The following IARS1 variants were observed in gnomAD, a reference collection of about 807,000 sequenced individuals.
IARS1 encodes isoleucine--tRNA ligase, cytoplasmic.
IARS1 carries 124 observed loss-of-function variants against 168.2 expected under a neutral mutation model. The ratio of observed to expected loss-of-function variants is 0.74; its 90% CI spans 0.64 to 0.86. The LOEUF (loss-of-function observed/expected upper bound fraction) is 0.86. Among genes scored for constraint, IARS1 ranks in the 40% least tolerant of loss-of-function variants. IARS1 has a pLI of 0.00. For synonymous variants in IARS1, 532 were observed against 529.4 expected (o/e 1.00, Z -0.07); for missense variants, 1,452 against 1,515.8 (o/e 0.96, Z 0.70).
chr9:92,234,480 G>A (rs1446759503), intron 30 of IARS1, among the ~76,000 whole-genome samples: 6 of 152,134 alleles, frequency 3.9e-5, no homozygotes, highest in Non-Finnish European at 8.8e-5. Context: ...CCAGGTGTCT[G>A]GTCAACTGAC....
At chr9:92,229,298 T>C (rs1306454733) in intron 30 of IARS1, among the ~76,000 whole-genome samples, 172 bp from the exon 31 acceptor site, 2 of 151,662 alleles carry the variant, frequency 1.3e-5, no homozygotes, top group African/African-American at 4.9e-5. Context: ...TATAAAAGCA[T>C]ACCAAGGATG....
intron 31 of IARS1, among the ~76,000 whole-genome samples, chr9:92,227,931 G>A (rs993744752): frequency 2.0e-5 from 3 of 152,122 alleles, no homozygotes; most frequent in African/African-American, 7.2e-5. Flanking sequence ...TCCCAGACGG[G>A]GTGGCGGCCG....
In IARS1 at chr9:92,268,237, T is replaced by G; in HGVS notation, c.1368A>C (p.Thr456=). Residue 456 remains threonine, a synonymous_variant, in exon 14 of 34, where the codon ACA becomes ACC. Coordinates refer to ENST00000443024, the MANE Select transcript of IARS1 (RefSeq NM_002161.6). ...GNWLKDARDW[T]ISRNRYWGTP... ...TGCCCCAGTATCTGTTTCTGGAAAT[T>G]GTCCAGTCACGTGCATCTTTCAGCC... The G allele has an allele frequency of 6.2e-7, 1 of 1,611,958 alleles. No individual in the cohort carries two copies. The highest frequency in any genetic ancestry group is 8.5e-7 in the Non-Finnish European group (1 of 1,179,480).
chr9:92,243,303 G>A lies in IARS1; in HGVS notation c.2913C>T (p.Val971=), dbSNP rs1230411075. 1 of 1,611,780 alleles carries A rather than the reference G, an allele frequency of 6.2e-7. No individual in the cohort carries two copies. The highest frequency in any genetic ancestry group is 1.3e-5 in the African/African-American group (1 of 74,864). ...FEAHSDAQAL[V]LLDVTPDQSM... ...ACTGGTCAGGAGTGACATCTAAGAGGACCAAAGCCTGTGGGAATGAACAGT... is the reference window on the plus strand; with the variant it reads ...ACTGGTCAGGAGTGACATCTAAGAGAACCAAAGCCTGTGGGAATGAACAGT... Residue 971 remains valine, a synonymous_variant, in exon 28 of 34, where the codon GTC becomes GTT. Coordinates refer to ENST00000443024, the MANE Select transcript of IARS1 (RefSeq NM_002161.6).
At position 92,232,237 on chromosome 9, in the gene IARS1, T is replaced by C. The variant is rs1826827308; in HGVS notation, c.3284-3111A>G. 2.6e-5 allele frequency among the ~76,000 whole-genome samples: 4 copies of C among 152,346 alleles called. No homozygotes were observed. The South Asian group carries it at 8.3e-4, about 32-fold the overall frequency. On this transcript the variant is annotated intron_variant, in intron 30 of 33. Transcript: ENST00000443024. ...ACTGGTAATTTACAGCCTAGGGGTT[T>C]TGTTAATTTAAATGATGAATATTCA...
chr9:92,215,606 C>T (rs1260390655), intron 33 of IARS1, among the ~76,000 whole-genome samples: 1 of 151,612 alleles, frequency 6.6e-6, no homozygotes, highest in African/African-American at 2.4e-5. Context: ...AACCAAGGCT[C>T]GAGAACTACG....
chr9:92,215,450 G>A (rs1443596128), intron 33 of IARS1, among the ~76,000 whole-genome samples: 2 of 152,082 alleles, frequency 1.3e-5, no homozygotes, highest in South Asian at 4.2e-4. Flanking sequence ...GAGAGAAGAG[G>A]GCTTCAGACG....
chr9:92,243,216 CT>C lies in IARS1; in HGVS notation c.2999del (p.Lys1000SerfsTer23). On this transcript the variant is annotated frameshift_variant and splice_region_variant, in exon 28 of 34. Transcript: ENST00000443024. LOFTEE classifies it high-confidence loss of function. Reference sequence around the variant, plus strand: ...GCTTATTCTTAACTGACAAACTAACCTTTTTGCGAAGTTTCTGTATGCGATT... The same window carrying C: ...GCTTATTCTTAACTGACAAACTAACCTTTTGCGAAGTTTCTGTATGCGATT... The part of the protein sequence containing the change: ...VINRIQKLRK[K>X]CNLVPTDEIT... 2 of 1,612,076 alleles carry C rather than the reference CT, an allele frequency of 1.2e-6. No homozygotes were observed. Among genetic ancestry groups the C allele is most frequent in the South Asian group, 2.2e-5 (2 of 91,022 alleles).
chr9:92,214,663 C>T (rs984461297), intron 33 of IARS1, among the ~76,000 whole-genome samples: 33 of 152,274 alleles, frequency 2.2e-4, no homozygotes, highest in South Asian at 4.1e-4. Flanking sequence ...GGGTGACGGA[C>T]GGCACCTGGA....
intron 12 of IARS1, among the ~76,000 whole-genome samples, chr9:92,270,319 C>T (rs760353975): frequency 1.3e-5 from 2 of 152,134 alleles, no homozygotes; most frequent in Non-Finnish European, 2.9e-5. Flanking sequence ...TTCACCCATA[C>T]TTTTACAGCA....
chr9:92,214,406 A>C (rs1838274516), intron 33 of IARS1, among the ~76,000 whole-genome samples: 1 of 151,996 alleles, frequency 6.6e-6, no homozygotes, highest in Admixed American at 6.6e-5. Context: ...AATTACAAAA[A>C]TTGGGGGAGG....
In IARS1 at chr9:92,272,648, G is replaced by C. The variant is rs150523953; in HGVS notation, c.991-993C>G. 2.0e-5 allele frequency among the ~76,000 whole-genome samples: 3 copies of C among 152,254 alleles called. No individual in the cohort carries two copies. In the East Asian group the frequency reaches 5.8e-4, roughly 29 times the overall value. ...TCAGATCACCTGAGGTCAGAAGTTT[G>C]AGACCAGCCTGGCCAACATGGTGAA... On this transcript the variant is annotated intron_variant, in intron 10 of 33. Coordinates refer to ENST00000443024, the MANE Select transcript of IARS1 (RefSeq NM_002161.6).
At chr9:92,219,970 T>C (rs1185493828) in intron 33 of IARS1, among the ~76,000 whole-genome samples, 1 of 150,858 alleles carries the variant, frequency 6.6e-6, no homozygotes, top group African/African-American at 2.5e-5. Context: ...CATGCACACG[T>C]ATGTTTATTG....
At chr9:92,289,012 C>T (rs557288180) in intron 2 of IARS1, among the ~76,000 whole-genome samples, 1 of 151,994 alleles carries the variant, frequency 6.6e-6, no homozygotes, top group South Asian at 2.1e-4. Flanking sequence ...AGTCCGAGAC[C>T]AGCCTGGGCA....
At chr9:92,260,972 T>C (rs1321698452) in intron 17 of IARS1, among the ~76,000 whole-genome samples, 1 of 152,162 alleles carries the variant, frequency 6.6e-6, no homozygotes, top group Non-Finnish European at 1.5e-5. Context: ...AAGGAACTAT[T>C]GGTAGGTGCA....
At chr9:92,243,091 T>A in intron 28 of IARS1, 125 bp downstream of exon 28, 1 of 656,218 alleles carries the variant, frequency 1.5e-6, no homozygotes, top group Admixed American at 2.3e-5. Flanking sequence ...CCAAATGGAC[T>A]ATGGATTAGT....
intron 1 of IARS1, among the ~76,000 whole-genome samples, chr9:92,292,805 G>A (rs1159856246): frequency 1.3e-5 from 2 of 152,018 alleles, no homozygotes; most frequent in Non-Finnish European, 2.9e-5. Context: ...ATATTATTTT[G>A]CCTCAATATA....
At position 92,264,989 on chromosome 9, in the gene IARS1, T is replaced by G; in HGVS notation, c.1640A>C (p.Glu547Ala). 6.2e-7 allele frequency: 1 copy of G among 1,614,148 alleles called. No homozygotes were observed. The highest frequency in any genetic ancestry group is 8.5e-7 in the Non-Finnish European group (1 of 1,180,014). ...ATCTGCAGGAAAAGCATCCTCAAAC[T>G]CCCTCTTGTTTTCAAACGGGTAATG... ...QVHYPFENKR[E>A]FEDAFPADFI... Residue 547 changes from glutamate to alanine, a missense_variant, in exon 16 of 34, where the codon GAG (glutamate) becomes GCG (alanine). By Grantham distance (107) the Glu-to-Ala change is moderately radical. Transcript: ENST00000443024.
chr9:92,256,690 A>C lies in IARS1; in HGVS notation c.2127T>G (p.Thr709=). ...FMQSLIGFFE[T]EMAAYRLYTV... ...CCAAGAGAGACTCACCTGCCATTTC[A>C]GTCTCAAAGAAGCCAATGAGAGACT... The change falls in exon 20 of 34, where the codon ACT becomes ACG. Residue 709 remains threonine (T), a synonymous_variant. Coordinates refer to ENST00000443024, the MANE Select transcript of IARS1 (RefSeq NM_002161.6). The C allele has an allele frequency of 6.2e-7, 1 of 1,613,604 alleles. No individual in the cohort carries two copies. The highest frequency in any genetic ancestry group is 8.5e-7 in the Non-Finnish European group (1 of 1,179,664).
Sources: gnomAD v4.1 joint callset for allele counts (sites outside exome capture counted in the v4.1 genomes callset) on GRCh38, gnomAD v4.1.1 for gene constraint, MANE v1.5 for transcripts, NCBI Gene and HGNC (gene_info 2026-07-23, HGNC 2026-07-21) for gene names.